The following NALF1 variants were observed in gnomAD, a reference collection of about 807,000 sequenced individuals.
NALF1 encodes NALCN channel auxiliary factor 1, also known as family with sequence similarity 155 member A.
Under a neutral mutation model 48.4 loss-of-function variants are expected in NALF1, and 3 were observed. The observed-to-expected ratio is 0.06, with a 90% CI of 0.03 to 0.16. NALF1 has a LOEUF of 0.16. Ranked by LOEUF, NALF1 falls within the 10% of genes least tolerant of loss-of-function variation. The probability of loss-of-function intolerance (pLI) is 1.00; values close to 1 mark genes in which losing one functional copy is unlikely to be tolerated. For missense variants in NALF1, 526 were observed against 571.5 expected, an observed-to-expected ratio of 0.92 and a Z score of 0.81; for synonymous variants, 262 against 245.7, an observed-to-expected ratio of 1.07 and a Z score of -0.62.
chr13:107,244,317 T>TA (rs372793104), intron 1 of NALF1, among the ~76,000 whole-genome samples: 2 of 152,332 alleles, frequency 1.3e-5, no homozygotes, highest in African/African-American at 4.8e-5. Flanking sequence ...ACACCATTGA[T>TA]AGAGTATGTG....
Position 107,181,466 on chromosome 13 carries a change from G to T in NALF1, c.1088-10680C>A, listed in dbSNP as rs80104554. On this transcript the variant is annotated intron_variant, in intron 2 of 2. Transcript: ENST00000375915. ...TATCTTTTGTACTTAAATTACTTGA[G>T]TGCTTTTTTGCTGTGTTTTGTTTTA... Among the ~76,000 whole-genome samples, 326 of 151,698 alleles carry T rather than the reference G, an allele frequency of 2.1e-3. 1 individual carries two copies. Among genetic ancestry groups the T allele is most frequent in the African/African-American group, 7.2e-3 (300 of 41,488 alleles).
In NALF1 at chr13:107,522,690, G is replaced by A. The variant is rs149462116; in HGVS notation, c.916-311935C>T. On this transcript the variant is annotated intron_variant, in intron 1 of 2. Coordinates refer to ENST00000375915, the MANE Select transcript of NALF1 (RefSeq NM_001080396.3). ...GTGATCTCGACTCACTGCAACCTCC[G>A]CCTCCTGAGTTCAAGAGATTCTCCT... Among the ~76,000 whole-genome samples the A allele has an allele frequency of 5.3e-3, 795 of 151,322 alleles. 4 individuals are homozygous for A. Among genetic ancestry groups the A allele is most frequent in the African/African-American group, 0.015 (633 of 41,162 alleles).
chr13:107,850,693 A>C (rs1362417730), intron 1 of NALF1, among the ~76,000 whole-genome samples: 1 of 152,186 alleles, frequency 6.6e-6, no homozygotes, highest in African/African-American at 2.4e-5. Context: ...ACCTGAGGTC[A>C]GGAGTTCAAT....
chr13:107,774,783 T>C (rs550010838), intron 1 of NALF1, among the ~76,000 whole-genome samples: 36 of 152,266 alleles, frequency 2.4e-4, no homozygotes, highest in Admixed American at 9.2e-4. Context: ...AAATTAGCCA[T>C]GCTATGAAGG....
chr13:107,597,813 A>C (rs1594150792), intron 1 of NALF1, among the ~76,000 whole-genome samples: 1 of 152,150 alleles, frequency 6.6e-6, no homozygotes. Flanking sequence ...TAAAAAGTAC[A>C]ATTTATCCAC....
intron 1 of NALF1, among the ~76,000 whole-genome samples, chr13:107,810,574 A>C (rs966317915): frequency 6.6e-6 from 1 of 152,164 alleles, no homozygotes; most frequent in Non-Finnish European, 1.5e-5. Context: ...TCCTGAAAAC[A>C]TCTTAAACTG....
chr13:107,792,697 G>C (rs1878287273), intron 1 of NALF1, among the ~76,000 whole-genome samples: 1 of 152,224 alleles, frequency 6.6e-6, no homozygotes, highest in South Asian at 2.1e-4. Context: ...GTTCATAAAA[G>C]AGTGAAACAC....
intron 2 of NALF1, among the ~76,000 whole-genome samples, chr13:107,199,435 T>A (rs1163866336): frequency 6.6e-6 from 1 of 152,212 alleles, no homozygotes; most frequent in East Asian, 1.9e-4. Flanking sequence ...TACATTGGAC[T>A]AGGGCTCATC....
intron 1 of NALF1, among the ~76,000 whole-genome samples, chr13:107,719,843 C>T (rs1270290277): frequency 1.3e-5 from 2 of 152,106 alleles, no homozygotes; most frequent in Admixed American, 6.6e-5. Context: ...CTAATGGGTG[C>T]TCCTGGGCTC....
At chr13:107,834,144 T>C (rs980579892) in intron 1 of NALF1, among the ~76,000 whole-genome samples, 2 of 152,208 alleles carry the variant, frequency 1.3e-5, no homozygotes, top group African/African-American at 2.4e-5. Flanking sequence ...TATTCGGTAT[T>C]ATGAGTAATC....
At chr13:107,405,491 T>C (rs1408333794) in intron 1 of NALF1, among the ~76,000 whole-genome samples, 3 of 152,040 alleles carry the variant, frequency 2.0e-5, no homozygotes, top group African/African-American at 7.2e-5. Flanking sequence ...ACTTCAAGAT[T>C]ATTCATTTCT....
chr13:107,657,982 A>C (rs1409059570), intron 1 of NALF1, among the ~76,000 whole-genome samples: 1 of 151,932 alleles, frequency 6.6e-6, no homozygotes, highest in Admixed American at 6.6e-5. Flanking sequence ...TTTGAACCAA[A>C]ATTTTCCTGG....
At chr13:107,653,507 T>C (rs1351173734) in intron 1 of NALF1, among the ~76,000 whole-genome samples, 1 of 151,878 alleles carries the variant, frequency 6.6e-6, no homozygotes, top group African/African-American at 2.4e-5. Context: ...TATAAAATAG[T>C]GTGGAGAAAT....
intron 1 of NALF1, among the ~76,000 whole-genome samples, chr13:107,413,132 AAT>A (rs1234740644): frequency 6.6e-6 from 1 of 152,180 alleles, no homozygotes. Flanking sequence ...GTAATCAAGT[AAT>A]AATCCAGGGT....
intron 1 of NALF1, among the ~76,000 whole-genome samples, chr13:107,778,156 A>G (rs1877790526): frequency 1.3e-5 from 2 of 152,322 alleles, no homozygotes; most frequent in South Asian, 2.1e-4. Flanking sequence ...ACTGTTTAAC[A>G]GGAGTGAACA....
intron 1 of NALF1, among the ~76,000 whole-genome samples, chr13:107,259,529 G>T (rs780535381): frequency 6.6e-5 from 10 of 152,178 alleles, no homozygotes; most frequent in Admixed American, 2.0e-4. Context: ...GTGAGTGAGT[G>T]AATGCATGAG....
At chr13:107,686,871 C>G (rs563404090) in intron 1 of NALF1, among the ~76,000 whole-genome samples, 2 of 152,128 alleles carry the variant, frequency 1.3e-5, no homozygotes, top group African/African-American at 4.8e-5. Flanking sequence ...CTAGTTCAAC[C>G]CCAGTGGAAA....
intron 1 of NALF1, among the ~76,000 whole-genome samples, chr13:107,414,649 T>G (rs1249770845): frequency 6.6e-6 from 1 of 151,934 alleles, no homozygotes; most frequent in Non-Finnish European, 1.5e-5. Context: ...TAAATAATAA[T>G]ATTTTCCATC....
intron 2 of NALF1, among the ~76,000 whole-genome samples, chr13:107,180,977 A>T (rs1879048320): frequency 6.6e-6 from 1 of 151,722 alleles, no homozygotes; most frequent in Non-Finnish European, 1.5e-5. Flanking sequence ...TTCTCTAAAA[A>T]TAGCTTGTTT....
Sources: gnomAD v4.1 joint callset for allele counts (sites outside exome capture counted in the v4.1 genomes callset) on GRCh38, gnomAD v4.1.1 for gene constraint, MANE v1.5 for transcripts, NCBI Gene and HGNC (gene_info 2026-07-23, HGNC 2026-07-21) for gene names.